TMEM200A: variants seen among roughly 807,000 people sequenced by gnomAD.
TMEM200A encodes transmembrane protein 200A.
In TMEM200A, 12 loss-of-function variants were observed where a neutral mutation model predicts 24.3. The ratio of observed to expected loss-of-function variants is 0.49; its 90% CI spans 0.32 to 0.80. The LOEUF is 0.80. Ranked by LOEUF, TMEM200A falls within the 30% of genes least tolerant of loss-of-function variation. The pLI is 0.04. For missense variants in TMEM200A, 545 were observed against 614.4 expected (o/e 0.89, Z 1.19); for synonymous variants, 224 against 224.4 (o/e 1.00, Z 0.02).
At chr6:130,432,419 C>T (rs1779900130) in intron 2 of TMEM200A, among the ~76,000 whole-genome samples, 1 of 152,166 alleles carries the variant, frequency 6.6e-6, no homozygotes, top group Non-Finnish European at 1.5e-5. Flanking sequence ...TCTGTATCTC[C>T]CAACTGTCTC....
In TMEM200A at chr6:130,366,860, T is replaced by A. The variant is rs1276047392; in HGVS notation, c.-81+336T>A. The stretch of plus-strand genomic sequence containing the variant: ...CTGTAATGTCCACAGCGTTAATTCA[T>A]GATTGAGCAAAGTATGGTCAGGGTT... On this transcript the variant is annotated intron_variant, in intron 1 of 2. Coordinates refer to ENST00000296978, the MANE Select transcript of TMEM200A (RefSeq NM_001258277.2). This position sits in a 1 kb window ranked among gnomAD's most constrained non-coding sequence, Gnocchi z 4.4. 6.6e-6 allele frequency among the ~76,000 whole-genome samples: 1 copy of A among 152,192 alleles called. No individual in the cohort carries two copies. The highest frequency in any genetic ancestry group is 1.9e-4 in the East Asian group (1 of 5,188).
chr6:130,365,709 G>T, upstream of TMEM200A: 2 of 985,514 alleles, frequency 2.0e-6, no homozygotes, highest in South Asian at 4.7e-5. Context: ...CCCGGGAAGA[G>T]CGCCTGCAAG....
At chr6:130,436,201 C>T (rs1192228859) in intron 2 of TMEM200A, among the ~76,000 whole-genome samples, 1 of 152,138 alleles carries the variant, frequency 6.6e-6, no homozygotes, top group Non-Finnish European at 1.5e-5. Flanking sequence ...GCTCTCTTAG[C>T]CTCAGTAACC....
At chr6:130,396,916 G>A (rs1329320483) in intron 2 of TMEM200A, among the ~76,000 whole-genome samples, 3 of 152,132 alleles carry the variant, frequency 2.0e-5, no homozygotes, top group Non-Finnish European at 4.4e-5. Context: ...CCAGTAGGAT[G>A]TTGTGCAGCC....
chr6:130,386,075 CAACT>C (rs1470822743), intron 2 of TMEM200A, among the ~76,000 whole-genome samples: 1 of 152,112 alleles, frequency 6.6e-6, no homozygotes, highest in East Asian at 1.9e-4. Flanking sequence ...GTTTATAAAA[CAACT>C]AACATTCAGT....
intron 1 of TMEM200A, among the ~76,000 whole-genome samples, chr6:130,369,246 C>T (rs1166042808): frequency 6.6e-6 from 1 of 152,100 alleles, no homozygotes; most frequent in Non-Finnish European, 1.5e-5. Flanking sequence ...TGTAACAACC[C>T]TCGGAAGTAA....
chr6:130,415,246 T>C (rs1779421847), intron 2 of TMEM200A, among the ~76,000 whole-genome samples: 2 of 151,876 alleles, frequency 1.3e-5, no homozygotes, highest in Non-Finnish European at 2.9e-5. Flanking sequence ...AGAAGAAAGG[T>C]TTGACCTCAA....
rs9492585 is a variant in TMEM200A, at chr6:130,418,765, A to G, written c.-16-21642A>G. 5.8e-3 allele frequency among the ~76,000 whole-genome samples: 876 copies of G among 152,202 alleles called. 6 individuals carry two copies. Among genetic ancestry groups the G allele is most frequent in the African/African-American group, 0.02 (831 of 41,548 alleles). On this transcript the variant is annotated intron_variant, in intron 2 of 2. Coordinates refer to ENST00000296978, the MANE Select transcript of TMEM200A (RefSeq NM_001258277.2). Reference sequence around the variant, plus strand: ...GCAATATGCTTAACCTCTTTAGATAAGGGCAATTTCTTTTTATAAAATTAA... The same window carrying G: ...GCAATATGCTTAACCTCTTTAGATAGGGGCAATTTCTTTTTATAAAATTAA...
chr6:130,436,661 T>TTTTTTTTTTTTTTTTG (rs1583233845), intron 2 of TMEM200A, among the ~76,000 whole-genome samples: 1 of 120,748 alleles, frequency 8.3e-6, no homozygotes, highest in Admixed American at 8.7e-5. Context: ...TTTTTTTTTT[T>TTTTTTTTTTTTTTTTG]TCAGAGAGAC....
chr6:130,428,957 G>T (rs1031140606), intron 2 of TMEM200A, among the ~76,000 whole-genome samples: 1 of 152,026 alleles, frequency 6.6e-6, no homozygotes, highest in Non-Finnish European at 1.5e-5. Context: ...CAATTGTATT[G>T]TATACCAATA....
intron 2 of TMEM200A, among the ~76,000 whole-genome samples, chr6:130,390,673 A>G (rs1479011221): frequency 1.3e-5 from 2 of 152,198 alleles, no homozygotes; most frequent in Admixed American, 6.5e-5. Flanking sequence ...CTGATAATGG[A>G]GTGAGACTAT....
chr6:130,427,291 T>C (rs1296442764), intron 2 of TMEM200A, among the ~76,000 whole-genome samples: 1 of 152,218 alleles, frequency 6.6e-6, no homozygotes, highest in African/African-American at 2.4e-5. Context: ...ATTCTGTATG[T>C]TTGCCATGAA....
intron 2 of TMEM200A, among the ~76,000 whole-genome samples, chr6:130,430,792 C>T (rs1779857800): frequency 6.6e-6 from 1 of 152,146 alleles, no homozygotes; most frequent in Non-Finnish European, 1.5e-5. Flanking sequence ...TTAGATTTTA[C>T]TTATGAAAAA....
rs931103745 is a variant in TMEM200A at position 130,440,970 on chromosome 6, G to A, written c.548G>A (p.Gly183Asp). ...LRIKEQRQMN[G>D]MYTGLMGETE... ...ATCAAGGAGCAAAGGCAAATGAACG[G>A]CATGTACACTGGTTTGATGGGAGAA... Residue 183 changes from glycine (G) to aspartate (D), a missense_variant, in exon 3 of 3, where the codon GGC becomes GAC. Transcript: ENST00000296978. 1.2e-6 allele frequency: 2 copies of A among 1,614,074 alleles called. No individual in the cohort carries two copies.
At chr6:130,397,472 G>A (rs1194233624) in intron 2 of TMEM200A, among the ~76,000 whole-genome samples, 1 of 152,002 alleles carries the variant, frequency 6.6e-6, no homozygotes, top group East Asian at 1.9e-4. Context: ...ATTTTGCCAT[G>A]ATGTAAAAAT....
chr6:130,365,607 C>G (rs1396788310), upstream of TMEM200A: 1 of 985,464 alleles, frequency 1.0e-6, no homozygotes, highest in East Asian at 1.1e-4. Context: ...ACTGGGGGAG[C>G]CGGGTCCCTG....
intron 2 of TMEM200A, among the ~76,000 whole-genome samples, chr6:130,425,377 C>CAATT (rs1487947724): frequency 6.6e-6 from 1 of 152,032 alleles, no homozygotes. Flanking sequence ...AAATTTGAAC[C>CAATT]AATTATCAAC....
At chr6:130,410,432 T>C (rs1779304834) in intron 2 of TMEM200A, among the ~76,000 whole-genome samples, 1 of 152,260 alleles carries the variant, frequency 6.6e-6, no homozygotes, top group African/African-American at 2.4e-5. Context: ...TGTGGGCATT[T>C]TCTAGACAGT....
intron 2 of TMEM200A, among the ~76,000 whole-genome samples, chr6:130,412,985 T>C (rs1779366443): frequency 6.6e-6 from 1 of 152,224 alleles, no homozygotes; most frequent in African/African-American, 2.4e-5. Context: ...TAACATATCT[T>C]CTGTAAAATA....
Sources: allele counts gnomAD v4.1 joint callset (sites outside exome capture counted in the v4.1 genomes callset), GRCh38; gene constraint gnomAD v4.1.1; non-coding constraint Gnocchi (gnomAD v3.1); transcripts MANE v1.5; gene names NCBI Gene and HGNC (gene_info 2026-07-23, HGNC 2026-07-21).